The following YBX2 variants were observed in gnomAD, a reference collection of about 807,000 sequenced individuals.
YBX2 encodes the protein Y-box binding protein 2, also known as Y-box-binding protein 2.
YBX2 carries 5 observed loss-of-function variants against 44.4 expected under a neutral mutation model. The observed-to-expected ratio is 0.11, with a 90% CI of 0.06 to 0.24. The LOEUF (loss-of-function observed/expected upper bound fraction) is 0.24, where lower values mean the gene tolerates loss of function less well. Ranked by LOEUF, YBX2 falls within the 10% of genes least tolerant of loss-of-function variation. The probability of loss-of-function intolerance (pLI) is 1.00; values close to 1 mark genes in which losing one functional copy is unlikely to be tolerated. For missense variants in YBX2, 417 were observed against 526.9 expected, an observed-to-expected ratio of 0.79 and a Z score of 2.04; for synonymous variants, 188 against 216.1, an observed-to-expected ratio of 0.87 and a Z score of 1.14.
In YBX2 at chr17:7,294,299, T is replaced by G. The variant is rs1400134436; in HGVS notation, c.202A>C (p.Asn68His). ...GTTCCCGAGACCGCCGTCGCCGGAT[T>G]GCCAGGGGTGCGGGAGCCCGGCGCC... ...PSAPGSRTPG[N>H]PATAVSGTPA... is the part of the protein sequence containing the mutation. The change falls in exon 1 of 9, where the codon AAT becomes CAT. Residue 68 changes from asparagine to histidine, a missense_variant. By Grantham distance (68) the Asn-to-His change is moderately conservative. This residue lies in a region of YBX2 where 121 missense variants were observed against 141.3 expected (regional missense o/e 0.86). Coordinates refer to ENST00000007699, the MANE Select transcript of YBX2 (RefSeq NM_015982.4). This position sits in a 1 kb window ranked among gnomAD's most constrained non-coding sequence, Gnocchi z 4.6. 7.8e-7 allele frequency: 1 copy of G among 1,276,294 alleles called. No individual in the cohort carries two copies. Among genetic ancestry groups the G allele is most frequent in the Non-Finnish European group, 9.8e-7 (1 of 1,017,462 alleles). 79.1% of individuals were successfully genotyped at this position (1,276,294 alleles called of 1,614,324 possible). A position where few individuals can be genotyped will look rare whatever the true frequency, so the allele number is the denominator to read the frequency against.
chr17:7,293,583 G>A (rs369031481), intron 1 of YBX2, 45 bp from the exon 2 acceptor site: 15 of 1,613,818 alleles, frequency 9.3e-6, no homozygotes. Flanking sequence ...GGGGGGAAGA[G>A]ATGGAGTTGA....
rs1411658492 is a variant in YBX2 at position 7,291,538 on chromosome 17, C to G, written c.370-356G>C. 1.7e-5 allele frequency: 7 copies of G among 400,772 alleles called. No homozygotes were observed. The highest frequency in any genetic ancestry group is 2.8e-5 in the Non-Finnish European group (6 of 211,604). The allele number at this position is 400,772 out of a possible 1,614,324, so 24.8% of individuals were successfully genotyped here. A position where few individuals can be genotyped will look rare whatever the true frequency, so the allele number is the denominator to read the frequency against. ...AATGCACTGTGCTTCTTACCTCAGT[C>G]CCAGTGAGAGCTCTTTCCACCAAGC... On this transcript the variant is annotated intron_variant, in intron 3 of 8. Transcript: ENST00000007699. This position sits in a 1 kb window ranked among gnomAD's most constrained non-coding sequence, Gnocchi z 5.8.
Position 7,291,960 on chromosome 17 carries a change from A to G in YBX2, c.369+66T>C, listed in dbSNP as rs2072504502. 4 of 1,597,110 alleles carry G rather than the reference A, an allele frequency of 2.5e-6. No homozygotes were observed. The highest frequency in any genetic ancestry group is 1.3e-5 in the African/African-American group (1 of 74,690). ...AGAAACATGGCGGAGCGCACTGCTA[A>G]GGATTACAGCAAAGGCCTTCAAAGA... On this transcript the variant is annotated intron_variant, in intron 3 of 8. Coordinates refer to ENST00000007699, the MANE Select transcript of YBX2 (RefSeq NM_015982.4). This position sits in a 1 kb window ranked among gnomAD's most constrained non-coding sequence, Gnocchi z 5.8.
At chr17:7,293,590 T>G in intron 1 of YBX2, 52 bp from the exon 2 acceptor site, 1 of 1,613,026 alleles carries the variant, frequency 6.2e-7, no homozygotes, top group Admixed American at 1.7e-5. Context: ...AGAGATGGAG[T>G]TGAACTCAGT....
intron 2 of YBX2, chr17:7,292,419 A>C: frequency 7.2e-6 from 2 of 279,478 alleles, no homozygotes; most frequent in Non-Finnish European, 1.4e-5. Context: ...CCTGGCCAAC[A>C]CCCCCTCCCC....
At position 7,288,684 on chromosome 17, in the gene YBX2, G is replaced by A. The variant is rs1001655463; in HGVS notation, c.*40-41C>T. On this transcript the variant is annotated intron_variant, in intron 8 of 8. Transcript: ENST00000007699. ...AAATGGACGGATTGTGAACAACAGCGACTTGTCATCGCCACCCAGTACCTC... is the reference window on the plus strand; with the variant it reads ...AAATGGACGGATTGTGAACAACAGCAACTTGTCATCGCCACCCAGTACCTC... 5.2e-6 allele frequency: 7 copies of A among 1,357,216 alleles called. No homozygotes were observed. In the East Asian group the frequency reaches 6.9e-5, roughly 13 times the overall value. 84.1% of individuals were successfully genotyped at this position (1,357,216 alleles called of 1,614,324 possible).
At position 7,291,896 on chromosome 17, in the gene YBX2, G is replaced by T; in HGVS notation, c.369+130C>A. 2 of 1,185,364 alleles carry T rather than the reference G, an allele frequency of 1.7e-6. No homozygotes were observed. The highest frequency in any genetic ancestry group is 2.5e-6 in the Non-Finnish European group (2 of 799,682). The allele number at this position is 1,185,364 out of a possible 1,614,324, so 73.4% of individuals were successfully genotyped here. On this transcript the variant is annotated intron_variant, in intron 3 of 8. Transcript: ENST00000007699. This position sits in a 1 kb window ranked among gnomAD's most constrained non-coding sequence, Gnocchi z 5.8. ...AGTGCGGCTAATGGTGGTTGACACA[G>T]GCACCCAAGGCGGATGGGCCGTTGT...
chr17:7,289,148 C>T (rs1260976002), intron 7 of YBX2, among the ~76,000 whole-genome samples: 1 of 152,206 alleles, frequency 6.6e-6, no homozygotes, highest in Non-Finnish European at 1.5e-5. Flanking sequence ...AGGCATGAGA[C>T]ATCGCGCAGG....
At chr17:7,293,890 G>T in intron 1 of YBX2, 1 of 519,534 alleles carries the variant, frequency 1.9e-6, no homozygotes, top group Non-Finnish European at 3.4e-6. Context: ...CCCAATGCAA[G>T]GGTCCCCAGT....
rs2072500264 is a variant in YBX2 at position 7,291,339 on chromosome 17, A to G, written c.370-157T>C. 2.0e-5 allele frequency: 15 copies of G among 733,616 alleles called. No homozygotes were observed. The allele number at this position is 733,616 out of a possible 1,614,324, so 45.4% of individuals were successfully genotyped here. ...GAGGTGGTCAAAGTTTAGCAGGGGA[A>G]AAGTCCTGAACTCAGGGCCTCAGCA... On this transcript the variant is annotated intron_variant, in intron 3 of 8. Transcript: ENST00000007699. The surrounding 1 kb of genome is among the most constrained non-coding windows in gnomAD (Gnocchi z 5.8).
At position 7,288,417 on chromosome 17, in the gene YBX2, C is replaced by T. The variant is rs1316419889; in HGVS notation, c.*266G>A. 1 of 207,568 alleles carries T rather than the reference C, an allele frequency of 4.8e-6. No individual in the cohort carries two copies. Among genetic ancestry groups the T allele is most frequent in the African/African-American group, 2.3e-5 (1 of 42,990 alleles). The allele number at this position is 207,568 out of a possible 1,614,324, so 12.9% of individuals were successfully genotyped here. On this transcript the variant is annotated 3_prime_UTR_variant, in exon 9 of 9. Transcript: ENST00000007699. ...AAGAGCTGGCTGGTTCCTTCTCAGC[C>T]TGAGTTACGGGAGGGAGTTGCTGTC...
intron 1 of YBX2, chr17:7,293,762 C>T: frequency 1.2e-6 from 1 of 856,772 alleles, no homozygotes; most frequent in South Asian, 1.8e-5. Flanking sequence ...AAAAAGCCTT[C>T]CAACTCTAAG....
rs1430340932 is a variant in YBX2 at position 7,288,283 on chromosome 17, GAGGCT to G, written c.*395_*399del. On this transcript the variant is annotated 3_prime_UTR_variant, in exon 9 of 9. Coordinates refer to ENST00000007699, the MANE Select transcript of YBX2 (RefSeq NM_015982.4). ...GGAAAGCCTGTTTTTGTTTTTACTGGAGGCTCAGGTGGCACATGACAGATCATAAA... is the reference window on the plus strand; with the variant it reads ...GGAAAGCCTGTTTTTGTTTTTACTGGCAGGTGGCACATGACAGATCATAAA... 1 of 156,736 alleles carries G rather than the reference GAGGCT, an allele frequency of 6.4e-6. No individual in the cohort carries two copies. The highest frequency in any genetic ancestry group is 1.9e-4 in the East Asian group (1 of 5,320). 9.7% of individuals were successfully genotyped at this position (156,736 alleles called of 1,614,324 possible). A position where few individuals can be genotyped will look rare whatever the true frequency, so the allele number is the denominator to read the frequency against.
chr17:7,294,157 T>C lies in YBX2; in HGVS notation c.271+73A>G. 1 of 1,223,402 alleles carries C rather than the reference T, an allele frequency of 8.2e-7. No individual in the cohort carries two copies. The highest frequency in any genetic ancestry group is 1.0e-6 in the Non-Finnish European group (1 of 982,704). The allele number at this position is 1,223,402 out of a possible 1,614,324, so 75.8% of individuals were successfully genotyped here. A position where few individuals can be genotyped will look rare whatever the true frequency, so the allele number is the denominator to read the frequency against. ...AGGCCGCCTTTGGTTTTCCGGATCC[T>C]GCCGGGCTCCACACTGCCCCTCCCC... On this transcript the variant is annotated intron_variant, in intron 1 of 8. Coordinates refer to ENST00000007699, the MANE Select transcript of YBX2 (RefSeq NM_015982.4). The surrounding 1 kb of genome is among the most constrained non-coding windows in gnomAD (Gnocchi z 4.6).
Position 7,294,028 on chromosome 17 carries a change from C to A in YBX2, c.271+202G>T. On this transcript the variant is annotated intron_variant, in intron 1 of 8. Coordinates refer to ENST00000007699, the MANE Select transcript of YBX2 (RefSeq NM_015982.4). This position sits in a 1 kb window ranked among gnomAD's most constrained non-coding sequence, Gnocchi z 4.6. Reference sequence around the variant, plus strand: ...ACCCCAAGACCTTAGCTGAACCTGCCGGCCCCGCCCTCTCTCCCAGGAAGG... The same window carrying A: ...ACCCCAAGACCTTAGCTGAACCTGCAGGCCCCGCCCTCTCTCCCAGGAAGG... 1.7e-6 allele frequency: 1 copy of A among 593,042 alleles called. No homozygotes were observed. Among genetic ancestry groups the A allele is most frequent in the Non-Finnish European group, 2.5e-6 (1 of 401,292 alleles). 36.7% of individuals were successfully genotyped at this position (593,042 alleles called of 1,614,324 possible). A position where few individuals can be genotyped will look rare whatever the true frequency, so the allele number is the denominator to read the frequency against.
intron 1 of YBX2, chr17:7,293,748 T>C (rs187819947): frequency 7.1e-6 from 7 of 983,614 alleles, no homozygotes; most frequent in Non-Finnish European, 1.0e-5. Flanking sequence ...GGACTCAGGC[T>C]TTCAAAAAGC....
chr17:7,294,029 G>A lies in YBX2; in HGVS notation c.271+201C>T, dbSNP rs941778646. On this transcript the variant is annotated intron_variant, in intron 1 of 8. Coordinates refer to ENST00000007699, the MANE Select transcript of YBX2 (RefSeq NM_015982.4). The surrounding 1 kb of genome is among the most constrained non-coding windows in gnomAD (Gnocchi z 4.6). ...CCCCAAGACCTTAGCTGAACCTGCC[G>A]GCCCCGCCCTCTCTCCCAGGAAGGT... 6.7e-6 allele frequency: 4 copies of A among 594,238 alleles called. No homozygotes were observed. Among genetic ancestry groups the A allele is most frequent in the Middle Eastern group, 1.0e-3 (2 of 1,962 alleles). 36.8% of individuals were successfully genotyped at this position (594,238 alleles called of 1,614,324 possible).
intron 7 of YBX2, 26 bp from the exon 8 acceptor site, chr17:7,288,864 G>T: frequency 6.2e-7 from 1 of 1,613,540 alleles, no homozygotes; most frequent in Non-Finnish European, 8.5e-7. Flanking sequence ...GGCCAATTGA[G>T]ACTTGTTCTT....
Position 7,289,553 on chromosome 17 carries a change from G to A in YBX2, c.1021C>T (p.Pro341Ser). Reference sequence around the variant, plus strand: ...ACCTCAGGGGCTGCGGGCTGCCGGGGGCCAGGGGCCTGCTGGGGGCCAGGG... The same window carrying A: ...ACCTCAGGGGCTGCGGGCTGCCGGGAGCCAGGGGCCTGCTGGGGGCCAGGG... ...QAPGPQQAPGPRQPAAPETSA... is the reference protein window; with the variant it reads ...QAPGPQQAPGSRQPAAPETSA... Residue 341 changes from proline to serine, a missense_variant, in exon 7 of 9, where the codon CCC (proline) becomes TCC (serine). This residue lies in a region of YBX2 where 257 missense variants were observed against 261.7 expected (regional missense o/e 0.98). Coordinates refer to ENST00000007699, the MANE Select transcript of YBX2 (RefSeq NM_015982.4). 6.2e-7 allele frequency: 1 copy of A among 1,604,306 alleles called. No homozygotes were observed. Among genetic ancestry groups the A allele is most frequent in the Non-Finnish European group, 8.5e-7 (1 of 1,176,594 alleles).
Sources: gnomAD v4.1 joint callset for allele counts (sites outside exome capture counted in the v4.1 genomes callset) on GRCh38, gnomAD v4.1.1 for gene constraint, gnomAD v4.1.1 regional missense constraint, Gnocchi (gnomAD v3.1) non-coding constraint, MANE v1.5 for transcripts, NCBI Gene and HGNC (gene_info 2026-07-23, HGNC 2026-07-21) for gene names.